The following LCLAT1 variants were observed in gnomAD, a reference collection of about 807,000 sequenced individuals.
LCLAT1 encodes 1-AGP acyltransferase 8.
LCLAT1 carries 11 observed loss-of-function variants against 30.7 expected under a neutral mutation model. The ratio of observed to expected loss-of-function variants is 0.36; its 90% confidence interval spans 0.23 to 0.59. The LOEUF (loss-of-function observed/expected upper bound fraction) is 0.59. Ranked by LOEUF, LCLAT1 falls within the 20% of genes least tolerant of loss-of-function variation. The probability of loss-of-function intolerance (pLI) is 0.77; values close to 1 mark genes in which losing one functional copy is unlikely to be tolerated. For missense variants in LCLAT1, 402 were observed against 458.6 expected (o/e 0.88, Z 1.13); for synonymous variants, 155 against 151.3 (o/e 1.02, Z -0.18).
At chr2:30,512,384 A>G (rs1448775542) in intron 1 of LCLAT1, among the ~76,000 whole-genome samples, 1 of 152,084 alleles carries the variant, frequency 6.6e-6, no homozygotes, top group African/African-American at 2.4e-5. Flanking sequence ...CCCTCTGGAC[A>G]CGCTCTCCAT....
intron 3 of LCLAT1, among the ~76,000 whole-genome samples, chr2:30,550,760 G>A (rs997652823): frequency 3.3e-5 from 5 of 152,112 alleles, no homozygotes; most frequent in African/African-American, 9.7e-5. Flanking sequence ...TCAAAGGCTG[G>A]CTGTTGGGGG....
At chr2:30,598,715 T>A (rs1667043109) in intron 5 of LCLAT1, among the ~76,000 whole-genome samples, 1 of 152,154 alleles carries the variant, frequency 6.6e-6, no homozygotes, top group Non-Finnish European at 1.5e-5. Flanking sequence ...TGTTTGCTCT[T>A]GGTTCTCTAG....
intron 5 of LCLAT1, among the ~76,000 whole-genome samples, chr2:30,597,330 T>G (rs573693327): frequency 2.0e-5 from 3 of 152,066 alleles, no homozygotes; most frequent in African/African-American, 7.2e-5. Flanking sequence ...GAGCAGTGAT[T>G]TGTAGTTCTC....
At chr2:30,596,102 G>T (rs1004638211) in intron 5 of LCLAT1, among the ~76,000 whole-genome samples, 18 of 152,096 alleles carry the variant, frequency 1.2e-4, no homozygotes, top group Admixed American at 2.6e-4. Flanking sequence ...AAATACATGC[G>T]TGCATGTATC....
intron 1 of LCLAT1, among the ~76,000 whole-genome samples, chr2:30,511,792 C>T (rs980650840): frequency 5.9e-5 from 9 of 152,246 alleles, no homozygotes; most frequent in South Asian, 2.1e-4. Flanking sequence ...GTTTATGCTG[C>T]GGTAGGAGAG....
At chr2:30,453,593 C>T (rs1681673663) in intron 1 of LCLAT1, among the ~76,000 whole-genome samples, 1 of 152,144 alleles carries the variant, frequency 6.6e-6, no homozygotes, top group African/African-American at 2.4e-5. Context: ...TGGATGTACA[C>T]CATGAACTTG....
chr2:30,489,427 A>G (rs939730365), intron 1 of LCLAT1, among the ~76,000 whole-genome samples: 3 of 151,374 alleles, frequency 2.0e-5, no homozygotes, highest in Admixed American at 6.6e-5. Flanking sequence ...ATCTCGGCTC[A>G]CTGCAAGCTC....
At chr2:30,539,944 CT>C (rs1664049937) in intron 3 of LCLAT1, among the ~76,000 whole-genome samples, 1 of 151,934 alleles carries the variant, frequency 6.6e-6, no homozygotes, top group Non-Finnish European at 1.5e-5. Context: ...ATTATGAAAC[CT>C]GGTCTGTTTA....
At chr2:30,526,133 A>G (rs570645306) in intron 2 of LCLAT1, among the ~76,000 whole-genome samples, 68 of 152,222 alleles carry the variant, frequency 4.5e-4, no homozygotes, top group African/African-American at 1.2e-3. Flanking sequence ...TGGGCTTCTT[A>G]GATAGATAGG....
At chr2:30,489,526 G>C (rs1158620048) in intron 1 of LCLAT1, among the ~76,000 whole-genome samples, 3 of 152,010 alleles carry the variant, frequency 2.0e-5, no homozygotes, top group Non-Finnish European at 4.4e-5. Flanking sequence ...CTGATTTTTT[G>C]TATTTTTAGT....
rs1271635592 is a variant in LCLAT1 at position 30,560,325 on chromosome 2, TA to T, written c.365-1820del. 4.1e-3 allele frequency among the ~76,000 whole-genome samples: 589 copies of T among 142,314 alleles called. 1 individual carries two copies. The highest frequency in any genetic ancestry group is 0.015 in the African/African-American group (554 of 36,836). 93.4% of individuals were successfully genotyped at this position (142,314 alleles called of 152,430 possible). On this transcript the variant is annotated intron_variant, in intron 3 of 5. Coordinates refer to ENST00000379509, the MANE Select transcript of LCLAT1 (RefSeq NM_001002257.3). ...GTGTGTGTGTGTGTGTGTGTGTGTG[TA>T]TTATTTATTTATTTTGACACGGAGT...
At chr2:30,541,273 G>C (rs779220232) in intron 3 of LCLAT1, among the ~76,000 whole-genome samples, 13 of 152,074 alleles carry the variant, frequency 8.5e-5, no homozygotes, top group African/African-American at 1.2e-4. Context: ...AGGAGAGCTG[G>C]GCATGGTAAT....
intron 1 of LCLAT1, among the ~76,000 whole-genome samples, chr2:30,468,589 T>G (rs1682602201): frequency 6.6e-6 from 1 of 152,178 alleles, no homozygotes; most frequent in East Asian, 1.9e-4. Context: ...GACAAATCAG[T>G]GGCATTGAGT....
intron 5 of LCLAT1, among the ~76,000 whole-genome samples, chr2:30,575,994 C>A (rs950535353): frequency 4.0e-5 from 6 of 151,894 alleles, no homozygotes; most frequent in Admixed American, 3.9e-4. Flanking sequence ...TCTTATGGCA[C>A]CATTAATAAA....
Position 30,464,343 on chromosome 2 carries a change from A to C in LCLAT1, c.-5+16960A>C, listed in dbSNP as rs532920583. On this transcript the variant is annotated intron_variant, in intron 1 of 5. Coordinates refer to ENST00000379509, the MANE Select transcript of LCLAT1 (RefSeq NM_001002257.3). ...TGATTTTATGGAATGAAACTGCTTG[A>C]TTCTGGAGGAGATTCAAGGGCTAGT... Among the ~76,000 whole-genome samples, 3 of 152,282 alleles carry C rather than the reference A, an allele frequency of 2.0e-5. No homozygotes were observed. The East Asian group carries it at 5.8e-4, about 29-fold the overall frequency.
rs552077193 is a variant in LCLAT1 at position 30,578,514 on chromosome 2, A to G, written c.628+10338A>G. Reference sequence around the variant, plus strand: ...GTCTTTCCTGTATTTTTCTCATTGCATTAAGTTCTTGGTGACTTACAGTGG... The same window carrying G: ...GTCTTTCCTGTATTTTTCTCATTGCGTTAAGTTCTTGGTGACTTACAGTGG... On this transcript the variant is annotated intron_variant, in intron 5 of 5. Coordinates refer to ENST00000379509, the MANE Select transcript of LCLAT1 (RefSeq NM_001002257.3). Among the ~76,000 whole-genome samples the G allele has an allele frequency of 2.6e-5, 4 of 152,262 alleles. No homozygotes were observed. The South Asian group carries it at 6.2e-4, about 24-fold the overall frequency.
At chr2:30,604,048 A>G (rs1667311527) in intron 5 of LCLAT1, among the ~76,000 whole-genome samples, 1 of 145,926 alleles carries the variant, frequency 6.9e-6, no homozygotes, top group Non-Finnish European at 1.5e-5. Flanking sequence ...GAACTTACCA[A>G]GAATTATGAT....
intron 5 of LCLAT1, among the ~76,000 whole-genome samples, chr2:30,631,137 A>C (rs1411062560): frequency 2.0e-5 from 3 of 152,186 alleles, no homozygotes; most frequent in Non-Finnish European, 2.9e-5. Flanking sequence ...TAAAGGTTAG[A>C]TTTTGGCACC....
Position 30,512,662 on chromosome 2 carries a change from G to A in LCLAT1, c.-4-12925G>A, listed in dbSNP as rs145070223. Among the ~76,000 whole-genome samples, 148 of 152,084 alleles carry A rather than the reference G, an allele frequency of 9.7e-4. No homozygotes were observed. In the East Asian group the frequency reaches 0.025, roughly 26 times the overall value. On this transcript the variant is annotated intron_variant, in intron 1 of 5. Coordinates refer to ENST00000379509, the MANE Select transcript of LCLAT1 (RefSeq NM_001002257.3). Reference sequence around the variant, plus strand: ...AGATGTACACATTTTTAAAAAATTTGGCTTAAGGCAAAAATGGGATCATGC... The same window carrying A: ...AGATGTACACATTTTTAAAAAATTTAGCTTAAGGCAAAAATGGGATCATGC...
Sources: gnomAD v4.1 joint callset for allele counts (sites outside exome capture counted in the v4.1 genomes callset) on GRCh38, gnomAD v4.1.1 for gene constraint, MANE v1.5 for transcripts, NCBI Gene and HGNC (gene_info 2026-07-23, HGNC 2026-07-21) for gene names.